Variants in RSRC1 observed in about 807,000 individuals in gnomAD.
RSRC1 encodes the protein serine/Arginine-related protein 53.
Under a neutral mutation model 49.1 loss-of-function variants are expected in RSRC1, and 39 were observed. The ratio of observed to expected loss-of-function variants is 0.79; its 90% CI spans 0.61 to 1.04. The LOEUF is 1.04. Ranked by LOEUF, RSRC1 falls within the 50% of genes least tolerant of loss-of-function variation. The pLI, the probability that RSRC1 is intolerant of heterozygous loss-of-function variation, is 0.00. For synonymous variants in RSRC1, 143 were observed against 130.8 expected, an observed-to-expected ratio of 1.09 and a Z score of -0.63; for missense variants, 388 against 402.4, an observed-to-expected ratio of 0.96 and a Z score of 0.31.
At chr3:158,352,323 T>TC (rs1436060634) in intron 5 of RSRC1, among the ~76,000 whole-genome samples, 2 of 152,132 alleles carry the variant, frequency 1.3e-5, no homozygotes, top group African/African-American at 2.4e-5. Context: ...GACTATATCT[T>TC]CAAGATAATG....
intron 6 of RSRC1, among the ~76,000 whole-genome samples, chr3:158,392,378 T>G (rs1733360091): frequency 6.6e-6 from 1 of 152,034 alleles, no homozygotes; most frequent in African/African-American, 2.4e-5. Context: ...TTAAACTTAT[T>G]AAGAGAATCA....
intron 6 of RSRC1, among the ~76,000 whole-genome samples, chr3:158,432,162 C>T (rs1230143684): frequency 6.6e-6 from 1 of 151,910 alleles, no homozygotes; most frequent in African/African-American, 2.4e-5. Context: ...GGTGATTGCA[C>T]CTCCGGCTAT....
chr3:158,404,766 CA>C (rs1734069765), intron 6 of RSRC1, among the ~76,000 whole-genome samples: 1 of 151,926 alleles, frequency 6.6e-6, no homozygotes, highest in South Asian at 2.1e-4. Flanking sequence ...TATACACTTG[CA>C]TTTTAGTTCC....
At chr3:158,497,400 C>G (rs909406899) in intron 7 of RSRC1, among the ~76,000 whole-genome samples, 13 of 146,930 alleles carry the variant, frequency 8.8e-5, no homozygotes, top group African/African-American at 3.0e-4. Context: ...CCCTTGCCCC[C>G]CTCCCACTCT....
chr3:158,111,432 G>A (rs1471679576), intron 1 of RSRC1, among the ~76,000 whole-genome samples: 5 of 152,248 alleles, frequency 3.3e-5, no homozygotes, highest in Non-Finnish European at 5.9e-5. Flanking sequence ...AGTTCTGAAA[G>A]CGGGTTGTTT....
At chr3:158,269,847 A>AT (rs545402498) in intron 4 of RSRC1, among the ~76,000 whole-genome samples, 37 of 152,090 alleles carry the variant, frequency 2.4e-4, no homozygotes, top group Non-Finnish European at 5.3e-4. Context: ...TTATTCCCTT[A>AT]TTTTTTTTCT....
rs577957924 is a variant in RSRC1 at position 158,116,686 on chromosome 3, G to A, written c.-2-5417G>A. On this transcript the variant is annotated intron_variant, in intron 1 of 9. Transcript: ENST00000611884. The stretch of plus-strand genomic sequence containing the variant: ...TGCAAAAGTCAGCACAATGAAAAAG[G>A]TAAATAATGTTTTAGTGTTACAGTG... Among the ~76,000 whole-genome samples, 644 of 152,168 alleles carry A rather than the reference G, an allele frequency of 4.2e-3. 3 individuals are homozygous for A. Among genetic ancestry groups the A allele is most frequent in the African/African-American group, 0.015 (619 of 41,522 alleles).
At chr3:158,202,983 T>G in intron 3 of RSRC1, 89 bp from the exon 4 acceptor site, 1 of 986,226 alleles carries the variant, frequency 1.0e-6, no homozygotes, top group African/African-American at 1.6e-5. Flanking sequence ...TAAAACTAAG[T>G]AGTTTTTTTC....
intron 6 of RSRC1, among the ~76,000 whole-genome samples, chr3:158,400,995 G>C (rs541254993): frequency 1.3e-4 from 19 of 151,860 alleles, no homozygotes; most frequent in Non-Finnish European, 2.2e-4. Context: ...TTTCTGTGTT[G>C]AGATATATTT....
chr3:158,448,021 G>C (rs1736812827), intron 6 of RSRC1, among the ~76,000 whole-genome samples: 1 of 151,776 alleles, frequency 6.6e-6, no homozygotes, highest in Non-Finnish European at 1.5e-5. Context: ...TGGAGTCTAA[G>C]ATATGATTTT....
chr3:158,451,453 G>C (rs953362770), intron 6 of RSRC1, among the ~76,000 whole-genome samples: 1 of 151,880 alleles, frequency 6.6e-6, no homozygotes. Context: ...GTGAGTTTGG[G>C]GGGTATCTGC....
At chr3:158,361,047 G>A (rs902772818) in intron 6 of RSRC1, among the ~76,000 whole-genome samples, 2 of 152,182 alleles carry the variant, frequency 1.3e-5, no homozygotes, top group African/African-American at 2.4e-5. Flanking sequence ...GGGGTGGCCC[G>A]GAGCTCCTCC....
intron 6 of RSRC1, among the ~76,000 whole-genome samples, chr3:158,365,706 C>T (rs1731726227): frequency 6.6e-6 from 1 of 152,116 alleles, no homozygotes; most frequent in South Asian, 2.1e-4. Context: ...GGTTCTAGCT[C>T]CTTGAGGAAT....
At chr3:158,350,179 A>AAT (rs1553790811) in intron 5 of RSRC1, among the ~76,000 whole-genome samples, 2,004 of 126,464 alleles carry the variant, frequency 0.016, 66 homozygotes, top group African/African-American at 0.049. Flanking sequence ...TATATATATA[A>AAT]TTTTTTTTTT....
chr3:158,363,427 C>T (rs1024368053), intron 6 of RSRC1, among the ~76,000 whole-genome samples: 4 of 152,188 alleles, frequency 2.6e-5, no homozygotes, highest in Non-Finnish European at 4.4e-5. Context: ...CCACACCCAG[C>T]TAATTTTTTG....
intron 7 of RSRC1, among the ~76,000 whole-genome samples, chr3:158,513,387 C>T (rs1378737610): frequency 1.3e-5 from 2 of 151,980 alleles, no homozygotes; most frequent in Non-Finnish European, 2.9e-5. Context: ...GTGGTTTTTG[C>T]CTTTGGTTCT....
intron 7 of RSRC1, among the ~76,000 whole-genome samples, chr3:158,483,551 G>T (rs144992480): frequency 6.6e-6 from 1 of 152,174 alleles, no homozygotes; most frequent in Non-Finnish European, 1.5e-5. Flanking sequence ...ATGTGTGACA[G>T]TCTGAGATTT....
At chr3:158,426,290 C>G (rs1409828729) in intron 6 of RSRC1, among the ~76,000 whole-genome samples, 1 of 151,140 alleles carries the variant, frequency 6.6e-6, no homozygotes, top group Admixed American at 6.6e-5. Context: ...ACTGGGAGAA[C>G]ATAGTTTCAA....
intron 6 of RSRC1, among the ~76,000 whole-genome samples, chr3:158,391,486 G>GT (rs1330740736): frequency 1.3e-5 from 2 of 152,186 alleles, no homozygotes; most frequent in Non-Finnish European, 2.9e-5. Context: ...CAGCTTGCTA[G>GT]TAATGGTATA....
Sources: gnomAD v4.1 joint callset for allele counts (sites outside exome capture counted in the v4.1 genomes callset) on GRCh38, gnomAD v4.1.1 for gene constraint, MANE v1.5 for transcripts, NCBI Gene and HGNC (gene_info 2026-07-23, HGNC 2026-07-21) for gene names.